The following CCDC63 variants were observed in gnomAD, a reference collection of about 807,000 sequenced individuals.
The protein encoded by CCDC63 is coiled-coil domain-containing protein 63.
A neutral mutation model predicts 63.6 loss-of-function variants in CCDC63; 54 were observed. The ratio of observed to expected loss-of-function variants is 0.85; its 90% CI spans 0.68 to 1.07. The LOEUF is 1.07. Among genes scored for constraint, CCDC63 ranks in the 50% least tolerant of loss-of-function variants. CCDC63 has a pLI of 0.00. For synonymous variants in CCDC63, 253 were observed against 266.1 expected (o/e 0.95, Z 0.48); for missense variants, 637 against 689.6 (o/e 0.92, Z 0.86).
intron 4 of CCDC63, among the ~76,000 whole-genome samples, chr12:110,870,660 T>C (rs1477423552): frequency 6.6e-6 from 1 of 152,206 alleles, no homozygotes; most frequent in Non-Finnish European, 1.5e-5. Context: ...GACCCCATCC[T>C]GTGTTACCTT....
chr12:110,891,372 C>T (rs2071354655), intron 8 of CCDC63, among the ~76,000 whole-genome samples: 1 of 151,994 alleles, frequency 6.6e-6, no homozygotes, highest in South Asian at 2.1e-4. Context: ...CATTCCTGTC[C>T]AGGCACAGTG....
At chr12:110,883,342 T>C (rs959815189) in intron 7 of CCDC63, among the ~76,000 whole-genome samples, 5 of 152,080 alleles carry the variant, frequency 3.3e-5, no homozygotes, top group Non-Finnish European at 7.4e-5. Context: ...GGCCTAATTT[T>C]AAAAATTTTT....
At chr12:110,872,875 C>A (rs899251370) in intron 4 of CCDC63, among the ~76,000 whole-genome samples, 1 of 152,188 alleles carries the variant, frequency 6.6e-6, no homozygotes, top group African/African-American at 2.4e-5. Flanking sequence ...GATACTCCCA[C>A]CTTGGCCTCC....
At position 110,858,110 on chromosome 12, in the gene CCDC63, T is replaced by TATAAAATAAAATAAA. The variant is rs67701132; in HGVS notation, c.180-439_180-425dup. Among the ~76,000 whole-genome samples, 212 of 137,850 alleles carry TATAAAATAAAATAAA rather than the reference T, an allele frequency of 1.5e-3. 1 individual carries two copies. Among genetic ancestry groups the TATAAAATAAAATAAA allele is most frequent in the African/African-American group, 5.7e-3 (203 of 35,672 alleles). The allele number at this position is 137,850 out of a possible 152,430, so 90.4% of individuals were successfully genotyped here. On this transcript the variant is annotated intron_variant, in intron 3 of 11. Transcript: ENST00000308208. The stretch of plus-strand genomic sequence containing the variant: ...AACAGAGTGAGACTCTGTCTCAAAA[T>TATAAAATAAAATAAA]ATAAAATAAAATAAAATAAAATAAA...
chr12:110,860,328 T>C (rs2070837089), intron 4 of CCDC63, among the ~76,000 whole-genome samples: 1 of 152,200 alleles, frequency 6.6e-6, no homozygotes, highest in Non-Finnish European at 1.5e-5. Context: ...CTCCCCACAG[T>C]ACCCCCTTCA....
Position 110,904,691 on chromosome 12 carries a change from C to A in CCDC63, c.1446C>A (p.Asn482Lys). The change falls in exon 11 of 12, where the codon AAC becomes AAA. Residue 482 changes from asparagine to lysine, a missense_variant. Coordinates refer to ENST00000308208, the MANE Select transcript of CCDC63 (RefSeq NM_152591.3). ...CTGAGATCCCGCCACCCTTCATCAA[C>A]CCTTTCTGGGGTGGCTCTGCCCTCC... ...AEAEIPPPFI[N>K]PFWGGSALLK... is the part of the protein sequence containing the mutation. 6.2e-7 allele frequency: 1 copy of A among 1,614,114 alleles called. No homozygotes were observed. The highest frequency in any genetic ancestry group is 8.5e-7 in the Non-Finnish European group (1 of 1,179,994).
rs781591603 is a variant in CCDC63 at position 110,899,027 on chromosome 12, A to G, written c.1244A>G (p.Glu415Gly). The G allele has an allele frequency of 6.2e-7, 1 of 1,613,902 alleles. No individual in the cohort carries two copies. Among genetic ancestry groups the G allele is most frequent in the South Asian group, 1.1e-5 (1 of 90,982 alleles). Residue 415 changes from glutamate (E) to glycine (G), a missense_variant, in exon 10 of 12, where the codon GAG (glutamate) becomes GGG (glycine). Coordinates refer to ENST00000308208, the MANE Select transcript of CCDC63 (RefSeq NM_152591.3). ...TTGGATCTATTGAAGAACTCAGTGG[A>G]GAAACTGTTCAAGAAGATAAACTGT... ...KTLDLLKNSV[E>G]KLFKKINCDA...
rs67350855 is a variant in CCDC63, at chr12:110,866,309, CTT to C, written c.370-7519_370-7518del. On this transcript the variant is annotated intron_variant, in intron 4 of 11. Coordinates refer to ENST00000308208, the MANE Select transcript of CCDC63 (RefSeq NM_152591.3). ...TAAACCGTAATTTGCTTAAGCCACT[CTT>C]TTTTTTTTTTTTTAATTTATTTTTT... Among the ~76,000 whole-genome samples, 130 of 137,022 alleles carry C rather than the reference CTT, an allele frequency of 9.5e-4. 3 individuals are homozygous for C. Among genetic ancestry groups the C allele is most frequent in the South Asian group, 8.1e-3 (35 of 4,336 alleles). 89.9% of individuals were successfully genotyped at this position (137,022 alleles called of 152,430 possible). A position where few individuals can be genotyped will look rare whatever the true frequency, so the allele number is the denominator to read the frequency against.
chr12:110,856,035 C>T (rs1003781210), intron 3 of CCDC63, among the ~76,000 whole-genome samples: 2 of 151,816 alleles, frequency 1.3e-5, no homozygotes, highest in African/African-American at 4.8e-5. Flanking sequence ...GCAAGACAGA[C>T]ACACCTTCCT....
chr12:110,907,501 C>A lies in CCDC63; in HGVS notation c.*25C>A, dbSNP rs1235030167. ...AGGTGCATGCATGGGGCCACCTTTG[C>A]AACATAACCGAAAGAATAAATGTTT... On this transcript the variant is annotated 3_prime_UTR_variant, in exon 12 of 12. Transcript: ENST00000308208. This position sits in a 1 kb window ranked among gnomAD's most constrained non-coding sequence, Gnocchi z 4.4. The A allele has an allele frequency of 6.2e-7, 1 of 1,613,402 alleles. No individual in the cohort carries two copies. Among genetic ancestry groups the A allele is most frequent in the African/African-American group, 1.3e-5 (1 of 75,022 alleles).
intron 4 of CCDC63, among the ~76,000 whole-genome samples, chr12:110,870,470 T>C (rs765379989): frequency 5.3e-5 from 8 of 152,224 alleles, no homozygotes; most frequent in Non-Finnish European, 1.2e-4. Flanking sequence ...TTTAGGTTAT[T>C]TACGTTTCAC....
At chr12:110,845,016 T>C (rs1373710028), upstream of CCDC63, among the ~76,000 whole-genome samples, 1 of 152,154 alleles carries the variant, frequency 6.6e-6, no homozygotes, top group Non-Finnish European at 1.5e-5. Context: ...GGCTCATCGC[T>C]TTGGCAAGCT....
rs1448393974 is a variant in CCDC63 at position 110,867,569 on chromosome 12, C to T, written c.370-6273C>T. On this transcript the variant is annotated intron_variant, in intron 4 of 11. Coordinates refer to ENST00000308208, the MANE Select transcript of CCDC63 (RefSeq NM_152591.3). ...CTCCCGGACGGGGCGGCTGGCCGGG[C>T]GGGGGGCTGACCCCCCCACCTCCCT... Among the ~76,000 whole-genome samples, 22 of 116,614 alleles carry T rather than the reference C, an allele frequency of 1.9e-4. No homozygotes were observed. In the South Asian group the frequency reaches 3.8e-3, roughly 20 times the overall value. 76.5% of individuals were successfully genotyped at this position (116,614 alleles called of 152,430 possible).
intron 11 of CCDC63, among the ~76,000 whole-genome samples, chr12:110,906,796 G>C (rs968410389): frequency 3.3e-5 from 5 of 152,122 alleles, no homozygotes; most frequent in African/African-American, 4.8e-5. Context: ...TAAAAGGTTG[G>C]GGGGAGAGGT....
At chr12:110,863,384 T>C (rs1317183665) in intron 4 of CCDC63, among the ~76,000 whole-genome samples, 1 of 152,100 alleles carries the variant, frequency 6.6e-6, no homozygotes, top group East Asian at 1.9e-4. Context: ...TGACACCTGA[T>C]CATCCGAGCT....
At chr12:110,872,990 T>G (rs536648847) in intron 4 of CCDC63, among the ~76,000 whole-genome samples, 11 of 152,294 alleles carry the variant, frequency 7.2e-5, no homozygotes, top group African/African-American at 2.6e-4. Context: ...TCCCAGCACT[T>G]TGGGATGCTG....
chr12:110,852,860 G>A lies in CCDC63; in HGVS notation c.-95G>A, dbSNP rs2070722215. The A allele has an allele frequency of 6.3e-7, 1 of 1,595,608 alleles. No homozygotes were observed. Among genetic ancestry groups the A allele is most frequent in the Non-Finnish European group, 8.6e-7 (1 of 1,163,326 alleles). ...TCTTCCTTTTGCCACCATGAACAGG[G>A]CATTGCAGAGAGACAGAGAGAGAGA... On this transcript the variant is annotated splice_region_variant and 5_prime_UTR_variant, in exon 2 of 12. Transcript: ENST00000308208.
In CCDC63 at chr12:110,904,808, T is replaced by A; in HGVS notation, c.1546+17T>A. ...TGGATGATGGTGAGTTCTCTCTCTCTCAATCTGCACAGGTTGCTAGGGAAC... is the reference window on the plus strand; with the variant it reads ...TGGATGATGGTGAGTTCTCTCTCTCACAATCTGCACAGGTTGCTAGGGAAC... On this transcript the variant is annotated intron_variant, in intron 11 of 11. Transcript: ENST00000308208. The A allele has an allele frequency of 1.9e-6, 3 of 1,587,530 alleles. No individual in the cohort carries two copies. Among genetic ancestry groups the A allele is most frequent in the Non-Finnish European group, 2.6e-6 (3 of 1,165,164 alleles).
intron 10 of CCDC63, among the ~76,000 whole-genome samples, chr12:110,903,198 A>T (rs1290739931): frequency 6.6e-6 from 1 of 151,660 alleles, no homozygotes; most frequent in African/African-American, 2.4e-5. Context: ...TTTTAGTAAG[A>T]CAGGGTTTCA....
Sources: allele counts gnomAD v4.1 joint callset (sites outside exome capture counted in the v4.1 genomes callset), GRCh38; gene constraint gnomAD v4.1.1; non-coding constraint Gnocchi (gnomAD v3.1); transcripts MANE v1.5; gene names NCBI Gene and HGNC (gene_info 2026-07-23, HGNC 2026-07-21).